Variants in PPP1R42 observed in about 807,000 individuals in gnomAD.
PPP1R42 encodes leucine rich repeat containing 67.
A neutral mutation model predicts 31.0 loss-of-function variants in PPP1R42; 34 were observed. That is an observed-to-expected ratio of 1.10 (90% CI 0.83 to 1.46). The LOEUF (loss-of-function observed/expected upper bound fraction) is 1.46. Ranked by LOEUF, PPP1R42 falls within the 40% of genes most tolerant of loss-of-function variation. The pLI is 0.00. For missense variants in PPP1R42, 268 were observed against 303.0 expected (o/e 0.88, Z 0.86); for synonymous variants, 103 against 109.8 (o/e 0.94, Z 0.39).
intron 5 of PPP1R42, among the ~76,000 whole-genome samples, chr8:67,007,133 C>T (rs1815711390): frequency 6.6e-6 from 1 of 152,022 alleles, no homozygotes; most frequent in Non-Finnish European, 1.5e-5. Context: ...CCACTTCAGC[C>T]TCCCAAAGTG....
chr8:66,971,139 A>G, intron 7 of PPP1R42: 1 of 1,491,184 alleles, frequency 6.7e-7, no homozygotes, highest in African/African-American at 1.4e-5. Flanking sequence ...TTTTGAAGTT[A>G]CCTGTAGCAC....
At chr8:66,990,632 T>G (rs1815162385) in intron 5 of PPP1R42, among the ~76,000 whole-genome samples, 1 of 152,194 alleles carries the variant, frequency 6.6e-6, no homozygotes, top group Non-Finnish European at 1.5e-5. Flanking sequence ...ATGCCTAAGC[T>G]CCTTTCTAGG....
chr8:67,009,226 CGCCACTGCACTCCA>C, intron 5 of PPP1R42, among the ~76,000 whole-genome samples: 1 of 151,838 alleles, frequency 6.6e-6, no homozygotes, highest in South Asian at 2.1e-4. Flanking sequence ...CCCAAGATCA[CGCCACTGCACTCCA>C]GCCTGGGCTA....
intron 7 of PPP1R42, among the ~76,000 whole-genome samples, chr8:66,972,500 CT>C (rs1814564228): frequency 6.6e-6 from 1 of 152,098 alleles, no homozygotes; most frequent in Non-Finnish European, 1.5e-5. Context: ...AGTGATTCTC[CT>C]GCCTCAGCCT....
chr8:66,966,800 G>C (rs1340966399), intron 7 of PPP1R42, among the ~76,000 whole-genome samples: 5 of 151,910 alleles, frequency 3.3e-5, no homozygotes, highest in Admixed American at 3.3e-4. Context: ...AAAAAAAATT[G>C]TTTGGATAAT....
chr8:67,009,478 G>T lies in PPP1R42; in HGVS notation c.552+1237C>A, dbSNP rs527807088. Among the ~76,000 whole-genome samples, 63 of 152,190 alleles carry T rather than the reference G, an allele frequency of 4.1e-4. 1 individual carries two copies. The highest frequency in any genetic ancestry group is 3.4e-3 in the Middle Eastern group (1 of 294). ...AGATACTCGGGAGGCTGAGGCAGGA[G>T]AATCACTTGAACCTGGGAGGCAGAG... is the stretch of plus-strand genomic sequence containing the variant. On this transcript the variant is annotated intron_variant, in intron 5 of 7. Transcript: ENST00000685739.
rs535389679 is a variant in PPP1R42 at position 66,998,232 on chromosome 8, C to T, written c.553-9715G>A. ...TTATGTAGATCTTCTTTAATTTCTTCCAATATTTTGTGTTTTTATTGTACA... is the reference window on the plus strand; with the variant it reads ...TTATGTAGATCTTCTTTAATTTCTTTCAATATTTTGTGTTTTTATTGTACA... On this transcript the variant is annotated intron_variant, in intron 5 of 7. Coordinates refer to ENST00000685739, the MANE Select transcript of PPP1R42 (RefSeq NM_001364910.1). Among the ~76,000 whole-genome samples, 457 of 152,026 alleles carry T rather than the reference C, an allele frequency of 3.0e-3. 3 individuals carry two copies. The highest frequency in any genetic ancestry group is 0.011 in the African/African-American group (439 of 41,432).
chr8:66,966,766 C>G (rs1465724389), intron 7 of PPP1R42, among the ~76,000 whole-genome samples: 1 of 151,266 alleles, frequency 6.6e-6, no homozygotes, highest in Non-Finnish European at 1.5e-5. Context: ...GCCTGGGTGA[C>G]AGAGCGAGAC....
intron 5 of PPP1R42, among the ~76,000 whole-genome samples, chr8:66,988,942 C>A (rs1815108031): frequency 6.6e-6 from 1 of 150,994 alleles, no homozygotes; most frequent in African/African-American, 2.4e-5. Context: ...AATGCATATT[C>A]ATTTTTTAAG....
At chr8:67,026,510 C>A (rs1446949369) in intron 1 of PPP1R42, among the ~76,000 whole-genome samples, 2 of 152,018 alleles carry the variant, frequency 1.3e-5, no homozygotes, top group Non-Finnish European at 2.9e-5. Flanking sequence ...GGGAGGAAAT[C>A]TTTCACATAA....
chr8:66,986,257 T>C (rs1006970742), intron 6 of PPP1R42: 60 of 514,148 alleles, frequency 1.2e-4, no homozygotes, highest in African/African-American at 1.1e-3. Flanking sequence ...ACTGATAAAT[T>C]AGGGAGAAAA....
At chr8:67,013,562 A>G (rs547912626) in intron 3 of PPP1R42, among the ~76,000 whole-genome samples, 10 of 151,332 alleles carry the variant, frequency 6.6e-5, no homozygotes, top group African/African-American at 2.0e-4. Context: ...AAATAAATAA[A>G]TAAGCAAGCC....
intron 5 of PPP1R42, among the ~76,000 whole-genome samples, chr8:66,998,546 T>C (rs1411507791): frequency 6.6e-6 from 1 of 152,176 alleles, no homozygotes; most frequent in Non-Finnish European, 1.5e-5. Context: ...TTTGTTTCAT[T>C]TTTTGGCCTT....
At chr8:66,997,632 G>A (rs1457229677) in intron 5 of PPP1R42, among the ~76,000 whole-genome samples, 2 of 145,890 alleles carry the variant, frequency 1.4e-5, no homozygotes, top group Non-Finnish European at 3.0e-5. Flanking sequence ...ATGTAGCCAC[G>A]ACCTCCAGGG....
chr8:66,991,004 CAT>C (rs975680983), intron 5 of PPP1R42, among the ~76,000 whole-genome samples: 50 of 152,144 alleles, frequency 3.3e-4, no homozygotes, highest in African/African-American at 1.0e-3. Flanking sequence ...AAGAGGCAAA[CAT>C]GTCAAATTTT....
chr8:67,019,950 G>A (rs1279967090), intron 1 of PPP1R42, among the ~76,000 whole-genome samples: 1 of 151,824 alleles, frequency 6.6e-6, no homozygotes, highest in Non-Finnish European at 1.5e-5. Context: ...TTTATCTTAA[G>A]CTACTCAAGC....
At chr8:66,987,257 C>G (rs1294339862) in intron 6 of PPP1R42, among the ~76,000 whole-genome samples, 3 of 151,068 alleles carry the variant, frequency 2.0e-5, no homozygotes, top group Non-Finnish European at 4.4e-5. Flanking sequence ...CCTCCGTTAA[C>G]CTGTCTCCAT....
chr8:66,968,540 G>A, intron 7 of PPP1R42: 1 of 934,580 alleles, frequency 1.1e-6, no homozygotes, highest in Non-Finnish European at 1.3e-6. Context: ...ATTAAGGCAA[G>A]GGGTAGCTTT....
chr8:66,985,656 C>T, intron 6 of PPP1R42: 1 of 1,331,952 alleles, frequency 7.5e-7, no homozygotes. Context: ...AAGTGGCACC[C>T]TGGGAGGGCT....
Sources: allele counts gnomAD v4.1 joint callset (sites outside exome capture counted in the v4.1 genomes callset), GRCh38; gene constraint gnomAD v4.1.1; transcripts MANE v1.5; gene names NCBI Gene and HGNC (gene_info 2026-07-23, HGNC 2026-07-21).